MGMT: variants seen among roughly 807,000 people sequenced by gnomAD.
The protein encoded by MGMT is O-6-methylguanine-DNA methyltransferase, also known as methylated-DNA--protein-cysteine methyltransferase.
A neutral mutation model predicts 15.9 loss-of-function variants in MGMT; 14 were observed. The observed-to-expected ratio is 0.88, with a 90% CI of 0.58 to 1.37. MGMT has a LOEUF of 1.37. MGMT is among the 40% of genes most tolerant of loss of function. The probability of loss-of-function intolerance (pLI) is 0.00; values close to 1 mark genes in which losing one functional copy is unlikely to be tolerated. For missense variants in MGMT, 282 were observed against 268.1 expected, an observed-to-expected ratio of 1.05 and a Z score of -0.36; for synonymous variants, 130 against 118.2, an observed-to-expected ratio of 1.10 and a Z score of -0.65.
intron 2 of MGMT, chr10:129,693,744 G>A (rs4750762): frequency 0.38 from 57,915 of 151,950 alleles, 11,814 homozygotes; most frequent in Non-Finnish European, 0.45. Flanking sequence ...CTTTACTAAA[G>A]ATACAAAAAT....
intron 3 of MGMT, among the ~76,000 whole-genome samples, chr10:129,712,981 C>T (rs1848250190): frequency 6.6e-6 from 1 of 152,142 alleles, no homozygotes; most frequent in Non-Finnish European, 1.5e-5. Context: ...AAGTCGTGAT[C>T]CAGCCTGAGT....
At chr10:129,567,896 T>G (rs1262714218) in intron 2 of MGMT, among the ~76,000 whole-genome samples, 20 of 152,206 alleles carry the variant, frequency 1.3e-4, no homozygotes, top group Admixed American at 1.3e-3. Flanking sequence ...CAAACATCTG[T>G]CATTGAAATA....
chr10:129,488,490 G>A (rs1218945342), intron 1 of MGMT, among the ~76,000 whole-genome samples: 2 of 151,964 alleles, frequency 1.3e-5, no homozygotes, highest in African/African-American at 4.8e-5. Context: ...TGCTGCAATT[G>A]TCTTCTCCCA....
intron 2 of MGMT, among the ~76,000 whole-genome samples, chr10:129,682,458 A>G (rs893912133): frequency 2.6e-5 from 4 of 151,826 alleles, no homozygotes; most frequent in African/African-American, 9.7e-5. Context: ...TGGGGAAGAG[A>G]TAAGGGTTAA....
At chr10:129,586,717 C>T (rs755168084) in intron 2 of MGMT, among the ~76,000 whole-genome samples, 1 of 152,132 alleles carries the variant, frequency 6.6e-6, no homozygotes, top group Non-Finnish European at 1.5e-5. Flanking sequence ...TTGGTAAGGA[C>T]GTATGCTTCT....
chr10:129,586,013 C>T (rs185934932), intron 2 of MGMT, among the ~76,000 whole-genome samples: 12 of 152,038 alleles, frequency 7.9e-5, no homozygotes, highest in Admixed American at 5.2e-4. Flanking sequence ...GACAGAAGGG[C>T]GGGGGTGTGT....
chr10:129,523,444 A>G (rs1253595684), intron 1 of MGMT, among the ~76,000 whole-genome samples: 2 of 152,218 alleles, frequency 1.3e-5, no homozygotes, highest in African/African-American at 4.8e-5. Context: ...GCTCAAGTGT[A>G]GTATGATTCA....
At chr10:129,712,894 C>G (rs574279966) in intron 3 of MGMT, among the ~76,000 whole-genome samples, 2 of 152,262 alleles carry the variant, frequency 1.3e-5, no homozygotes, top group East Asian at 1.9e-4. Flanking sequence ...AGATGGCCTC[C>G]CCTGGAAAGA....
At chr10:129,745,305 C>T (rs774081831) in intron 3 of MGMT, among the ~76,000 whole-genome samples, 2 of 152,092 alleles carry the variant, frequency 1.3e-5, no homozygotes, top group Non-Finnish European at 2.9e-5. Context: ...TGAATGTTAA[C>T]GCGTGTGTGT....
intron 3 of MGMT, among the ~76,000 whole-genome samples, chr10:129,726,183 C>G (rs1210501144): frequency 6.6e-6 from 1 of 152,082 alleles, no homozygotes; most frequent in Admixed American, 6.5e-5. Flanking sequence ...GTGGAGGAAA[C>G]TCAACTTTAG....
chr10:129,675,693 T>C (rs12219068), intron 2 of MGMT, among the ~76,000 whole-genome samples: 43,823 of 152,042 alleles, frequency 0.29, 6,666 homozygotes, highest in East Asian at 0.57. Flanking sequence ...GTCAGAGATA[T>C]GGCCTGAGAG....
chr10:129,563,830 A>T (rs540992), intron 2 of MGMT: 93,930 of 151,752 alleles, frequency 0.62, 29,317 homozygotes, highest in African/African-American at 0.69. Context: ...GGATGGATCA[A>T]CCTGGTGCTA....
intron 2 of MGMT, among the ~76,000 whole-genome samples, chr10:129,676,850 TAAAGC>T (rs570762365): frequency 3.9e-5 from 6 of 152,162 alleles, no homozygotes; most frequent in Non-Finnish European, 8.8e-5. Context: ...CTGTATAGCA[TAAAGC>T]AGTAAATCAC....
chr10:129,594,426 T>TA, intron 2 of MGMT, among the ~76,000 whole-genome samples: 1 of 152,198 alleles, frequency 6.6e-6, no homozygotes, highest in Non-Finnish European at 1.5e-5. Flanking sequence ...TAAGGCATAT[T>TA]AAAATATGTT....
At chr10:129,472,630 C>T (rs1277598180) in intron 1 of MGMT, among the ~76,000 whole-genome samples, 5 of 152,186 alleles carry the variant, frequency 3.3e-5, no homozygotes, top group Admixed American at 2.6e-4. Flanking sequence ...TGCCCTTGAG[C>T]AGAGTTACTT....
At chr10:129,553,222 G>A (rs1846177762) in intron 2 of MGMT, among the ~76,000 whole-genome samples, 1 of 152,198 alleles carries the variant, frequency 6.6e-6, no homozygotes, top group Admixed American at 6.5e-5. Flanking sequence ...TGGGAGACTA[G>A]TATAATTTCT....
At chr10:129,493,206 G>T (rs1438291830) in intron 1 of MGMT, among the ~76,000 whole-genome samples, 1 of 152,130 alleles carries the variant, frequency 6.6e-6, no homozygotes, top group Non-Finnish European at 1.5e-5. Flanking sequence ...GGTTTCTGTT[G>T]CCTGGAACCA....
chr10:129,597,551 G>A (rs1846765718), intron 2 of MGMT, among the ~76,000 whole-genome samples: 1 of 152,004 alleles, frequency 6.6e-6, no homozygotes, highest in Non-Finnish European at 1.5e-5. Flanking sequence ...TATGAAATTT[G>A]GCATACTGGC....
intron 2 of MGMT, among the ~76,000 whole-genome samples, chr10:129,574,707 A>G (rs763302895): frequency 1.3e-5 from 2 of 152,164 alleles, no homozygotes; most frequent in East Asian, 1.9e-4. Flanking sequence ...TGACGGCTTG[A>G]TCAGGGTTAA....
Sources: gnomAD v4.1 joint callset for allele counts (sites outside exome capture counted in the v4.1 genomes callset) on GRCh38, gnomAD v4.1.1 for gene constraint, MANE v1.5 for transcripts, NCBI Gene and HGNC (gene_info 2026-07-23, HGNC 2026-07-21) for gene names.